Variants in SPDYE1 observed in about 807,000 individuals in gnomAD.
SPDYE1 encodes the protein speedy/RINGO cell cycle regulator family member E1.
In SPDYE1, 29 loss-of-function variants were observed where a neutral mutation model predicts 45.9. The ratio of observed to expected loss-of-function variants is 0.63; its 90% confidence interval spans 0.47 to 0.86. The LOEUF (loss-of-function observed/expected upper bound fraction) is 0.86, where lower values mean the gene tolerates loss of function less well. SPDYE1 is among the 40% of genes least tolerant of loss of function. The probability of loss-of-function intolerance (pLI) is 0.00; values close to 1 mark genes in which losing one functional copy is unlikely to be tolerated. For missense variants in SPDYE1, 346 were observed against 481.4 expected, an observed-to-expected ratio of 0.72 and a Z score of 2.63; for synonymous variants, 134 against 176.8, an observed-to-expected ratio of 0.76 and a Z score of 1.92.
intron 6 of SPDYE1, among the ~76,000 whole-genome samples, chr7:44,006,651 G>T (rs1462287924): frequency 6.6e-6 from 1 of 152,138 alleles, no homozygotes. Flanking sequence ...GTCTTGCTCC[G>T]CCTCTCAGGC....
intron 8 of SPDYE1, among the ~76,000 whole-genome samples, 163 bp from the exon 9 acceptor site, chr7:44,008,504 C>T (rs532055832): frequency 6.6e-6 from 1 of 152,258 alleles, no homozygotes; most frequent in Non-Finnish European, 1.5e-5. Context: ...GTGAGTTTCA[C>T]AGTTGAACAC....
chr7:44,007,728 A>T lies in SPDYE1; in HGVS notation c.1091A>T (p.Glu364Val). The T allele has an allele frequency of 2.5e-6, 4 of 1,611,408 alleles. No individual in the cohort carries two copies. Among genetic ancestry groups the T allele is most frequent in the Non-Finnish European group, 3.4e-6 (4 of 1,179,522 alleles). The change falls in exon 8 of 9, where the codon GAG (glutamate) becomes GTG (valine). Residue 364 changes from glutamate to valine, a missense_variant. Glu to Val is a moderately radical substitution (Grantham distance 121). Transcript: ENST00000693451. ...ELEEIQAYDP[E>V]HWVWARDRAR... ...TTCCAGATCCAGGCTTATGACCCAG[A>T]GCACTGGGTGTGGGCGCGAGATCGC...
Position 44,009,101 on chromosome 7 carries a change from T to G in SPDYE1, c.*480T>G, listed in dbSNP as rs975616557. 5.0e-4 allele frequency: 129 copies of G among 257,440 alleles called. No homozygotes were observed. Among genetic ancestry groups the G allele is most frequent in the Non-Finnish European group, 3.8e-4 (50 of 131,060 alleles). The allele number at this position is 257,440 out of a possible 1,614,324, so 15.9% of individuals were successfully genotyped here. A position where few individuals can be genotyped will look rare whatever the true frequency, so the allele number is the denominator to read the frequency against. ...GTGCCACAGATTGTAACAGATAGCT[T>G]CATGCACACTCTGCATTTTATTGGT... On this transcript the variant is annotated 3_prime_UTR_variant, in exon 9 of 9. Coordinates refer to ENST00000693451, the MANE Select transcript of SPDYE1 (RefSeq NM_001378423.2).
chr7:44,003,723 TC>T, intron 4 of SPDYE1, 129 bp from the exon 5 acceptor site: 1 of 651,752 alleles, frequency 1.5e-6, no homozygotes, highest in Non-Finnish European at 2.8e-6. Context: ...TTCTCCCCTC[TC>T]CCATCCACCT....
chr7:44,008,016 C>A (rs952380829), intron 8 of SPDYE1: 150 of 1,424,802 alleles, frequency 1.1e-4, no homozygotes, highest in Non-Finnish European at 1.3e-4. Context: ...ATTGCTGGAG[C>A]CTGGAAGGTC....
rs1476674005 is a variant in SPDYE1, at chr7:43,999,797, G to A, written c.-153G>A. The stretch of plus-strand genomic sequence containing the variant: ...CATGAACGATGACATCAGAGATTCC[G>A]ACCTTCCTGATTGGAGGGACCGGAC... On this transcript the variant is annotated 5_prime_UTR_variant, in exon 2 of 9. Coordinates refer to ENST00000693451, the MANE Select transcript of SPDYE1 (RefSeq NM_001378423.2). Among the ~76,000 whole-genome samples the A allele has an allele frequency of 5.5e-5, 8 of 145,686 alleles. No individual in the cohort carries two copies. The East Asian group carries it at 1.4e-3, about 25-fold the overall frequency.
intron 6 of SPDYE1, among the ~76,000 whole-genome samples, chr7:44,006,847 CA>C (rs1219281562): frequency 1.3e-5 from 2 of 152,234 alleles, no homozygotes; most frequent in Non-Finnish European, 2.9e-5. Flanking sequence ...CTCCTGGTCT[CA>C]AGCGATCCAC....
intron 5 of SPDYE1, chr7:44,004,249 G>C: frequency 2.4e-6 from 1 of 421,476 alleles, no homozygotes; most frequent in South Asian, 2.3e-5. Flanking sequence ...TGGCCAGGTT[G>C]GTCCTGAACA....
chr7:44,007,169 G>A, intron 6 of SPDYE1, 99 bp from the exon 7 acceptor site: 1 of 1,606,860 alleles, frequency 6.2e-7, no homozygotes, highest in Non-Finnish European at 8.5e-7. Flanking sequence ...CCAGTCCTGA[G>A]CTAGGAACGG....
At chr7:44,004,385 C>T (rs1235476774) in intron 5 of SPDYE1, 3 of 252,024 alleles carry the variant, frequency 1.2e-5, no homozygotes, top group Non-Finnish European at 2.3e-5. Flanking sequence ...TTTTGTGAGA[C>T]AGAATCTAGC....
chr7:44,006,819 G>A (rs2096071881), intron 6 of SPDYE1, among the ~76,000 whole-genome samples: 1 of 152,190 alleles, frequency 6.6e-6, no homozygotes, highest in Non-Finnish European at 1.5e-5. Context: ...TCTCCGTGTT[G>A]ACCAGGCTGG....
rs763909913 is a variant in SPDYE1, at chr7:44,007,440, C to T, written c.925C>T (p.Arg309Cys). 93 of 1,573,096 alleles carry T rather than the reference C, an allele frequency of 5.9e-5. 1 individual carries two copies. Among genetic ancestry groups the T allele is most frequent in the Non-Finnish European group, 7.0e-5 (81 of 1,154,546 alleles). ...RKNRSHIPLV[R>C]KRRFQLRRCM... ...GAACCGCTCTCACATACCCTTGGTC[C>T]GTAAGCGTCGGTTCCAGTTACGCCG... The change falls in exon 7 of 9, where the codon CGT becomes TGT. Residue 309 changes from arginine to cysteine, a missense_variant. This residue lies in a region of SPDYE1 where 186 missense variants were observed against 219.1 expected (regional missense o/e 0.85). Coordinates refer to ENST00000693451, the MANE Select transcript of SPDYE1 (RefSeq NM_001378423.2).
At position 44,001,164 on chromosome 7, in the gene SPDYE1, G is replaced by A. The variant is rs201783743; in HGVS notation, c.259G>A (p.Ala87Thr). Residue 87 changes from alanine to threonine, a missense_variant, in exon 3 of 9, where the codon GCC (alanine) becomes ACC (threonine). Physicochemically the swap from Ala to Thr is moderately conservative, Grantham distance 58. Transcript: ENST00000693451. ...ESEEEPEKEL[A>T]PEPEETWVVE... is the part of the protein sequence containing the mutation. ...TGAGGAGGAGCCGGAGAAGGAGCTC[G>A]CCCCTGAGCCTGAGGAGACCTGGGT... 987 of 1,598,348 alleles carry A rather than the reference G, an allele frequency of 6.2e-4. 9 individuals are homozygous for A. The East Asian group carries it at 0.02, about 32-fold the overall frequency.
In SPDYE1 at chr7:44,002,699, C is replaced by T. The variant is rs1191403908; in HGVS notation, c.489C>T (p.Ala163=). The T allele has an allele frequency of 6.3e-7, 1 of 1,596,808 alleles. No individual in the cohort carries two copies. The highest frequency in any genetic ancestry group is 8.5e-7 in the Non-Finnish European group (1 of 1,179,788). Residue 163 remains alanine (A), a synonymous_variant, in exon 4 of 9, where the codon GCC becomes GCT. Transcript: ENST00000693451. ...ESEEEPRKVL[A]PEPEEIWVAE... is the part of the protein sequence containing the mutation. ...AGGAGGAGCCACGGAAGGTGCTCGC[C>T]CCTGAGCCTGAGGAGATCTGGGTGG... is the stretch of plus-strand genomic sequence containing the variant.
In SPDYE1 at chr7:44,001,061, C is replaced by A; in HGVS notation, c.161-5C>A. The A allele has an allele frequency of 6.3e-7, 1 of 1,597,494 alleles. No homozygotes were observed. The highest frequency in any genetic ancestry group is 2.2e-5 in the East Asian group (1 of 44,854). On this transcript the variant is annotated splice_polypyrimidine_tract_variant and splice_region_variant and intron_variant, in intron 2 of 8. Transcript: ENST00000693451. Reference sequence around the variant, plus strand: ...ATTACACAGTGGCCTGGTTTCTTTACTCAGCCCCTGGGGTAGATCCCAGCC... The same window carrying A: ...ATTACACAGTGGCCTGGTTTCTTTAATCAGCCCCTGGGGTAGATCCCAGCC...
At position 44,007,301 on chromosome 7, in the gene SPDYE1, G is replaced by A. The variant is rs147853765; in HGVS notation, c.786G>A (p.Glu262=). ...CCAATGACATGGAGGAGGACGACGA[G>A]GACTCCAAACAAAACATCTTCCACT... The part of the protein sequence containing the change: ...YLANDMEEDD[E]DSKQNIFHFL... The change falls in exon 7 of 9, where the codon GAG becomes GAA. Residue 262 remains glutamate (E), a synonymous_variant. Coordinates refer to ENST00000693451, the MANE Select transcript of SPDYE1 (RefSeq NM_001378423.2). 25,826 of 1,612,902 alleles carry A rather than the reference G, an allele frequency of 0.016. 233 individuals are homozygous for A. Among genetic ancestry groups the A allele is most frequent in the Non-Finnish European group, 0.02 (23,218 of 1,180,014 alleles).
intron 1 of SPDYE1, among the ~76,000 whole-genome samples, 183 bp downstream of exon 1, chr7:43,998,142 G>A (rs1355756129): frequency 6.6e-6 from 1 of 151,848 alleles, no homozygotes; most frequent in Admixed American, 6.6e-5. Context: ...CAGCTCTGAC[G>A]GTTTAAAGCG....
chr7:43,999,755 A>G lies in SPDYE1; in HGVS notation c.-195A>G, dbSNP rs1278953447. ...GCAGTTACATGTGTTTTTTTTTCAA[A>G]CTGGTTGCCAGGTTGGCATGAACGA... On this transcript the variant is annotated 5_prime_UTR_variant, in exon 2 of 9. Transcript: ENST00000693451. 6.9e-6 allele frequency among the ~76,000 whole-genome samples: 1 copy of G among 145,480 alleles called. No individual in the cohort carries two copies. Among genetic ancestry groups the G allele is most frequent in the Non-Finnish European group, 1.5e-5 (1 of 66,536 alleles).
chr7:44,006,896 G>A (rs1014516983), intron 6 of SPDYE1, among the ~76,000 whole-genome samples: 1 of 152,226 alleles, frequency 6.6e-6, no homozygotes, highest in African/African-American at 2.4e-5. Context: ...TTACAGGCAT[G>A]AGCCACCGTG....
Sources: gnomAD v4.1 joint callset for allele counts (sites outside exome capture counted in the v4.1 genomes callset) on GRCh38, gnomAD v4.1.1 for gene constraint, gnomAD v4.1.1 regional missense constraint, MANE v1.5 for transcripts, NCBI Gene and HGNC (gene_info 2026-07-23, HGNC 2026-07-21) for gene names.